NCL: variants seen among roughly 807,000 people sequenced by gnomAD.
The protein encoded by NCL is nucleolin multifunctional protein.
A neutral mutation model predicts 77.7 loss-of-function variants in NCL; 4 were observed. That is an observed-to-expected ratio of 0.05 (90% CI 0.03 to 0.12). The LOEUF is 0.12. NCL is among the 10% of genes least tolerant of loss of function. NCL has a pLI of 1.00. For synonymous variants in NCL, 344 were observed against 297.8 expected (o/e 1.16, Z -1.60); for missense variants, 763 against 860.9 (o/e 0.89, Z 1.42).
chr2:231,459,837 G>A (rs188021079), intron 6 of NCL, among the ~76,000 whole-genome samples: 1 of 151,924 alleles, frequency 6.6e-6, no homozygotes, highest in Admixed American at 6.5e-5. Context: ...AACCCGGGAG[G>A]CAGAGGTTGC....
chr2:231,457,423 T>A, intron 9 of NCL: 1 of 757,696 alleles, frequency 1.3e-6, no homozygotes, highest in South Asian at 1.5e-5. Flanking sequence ...GGAAGCTTGA[T>A]TTGCCTACTG....
chr2:231,455,885 T>C (rs747614452), intron 12 of NCL, 125 bp downstream of exon 12: 24 of 1,447,254 alleles, frequency 1.7e-5, no homozygotes, highest in Non-Finnish European at 2.2e-5. Flanking sequence ...CTTCTTCTCG[T>C]GCGAATCCAT....
At chr2:231,460,327 A>G in intron 5 of NCL, 34 bp from the exon 6 acceptor site, 1 of 1,614,078 alleles carries the variant, frequency 6.2e-7, no homozygotes, top group Non-Finnish European at 8.5e-7. Flanking sequence ...GTCTACTTGT[A>G]GTGTGGTAAA....
At chr2:231,460,407 G>A in intron 5 of NCL, 71 bp downstream of exon 5, 1 of 1,590,968 alleles carries the variant, frequency 6.3e-7, no homozygotes, top group Non-Finnish European at 8.6e-7. Context: ...TCAGGTTTCA[G>A]TATTAAGTCC....
chr2:231,455,398 T>C lies in NCL; in HGVS notation c.2056+3A>G, dbSNP rs1194727676. The C allele has an allele frequency of 1.2e-6, 2 of 1,613,876 alleles. No homozygotes were observed. Among genetic ancestry groups the C allele is most frequent in the Non-Finnish European group, 1.7e-6 (2 of 1,180,004 alleles). On this transcript the variant is annotated splice_donor_region_variant and intron_variant, in intron 13 of 13. Transcript: ENST00000322723. ...GTGGTGTCATTATCTCTGCGTGCCT[T>C]ACCTCCAAAGCCTCCCCGGCCTCTG...
Position 231,455,043 on chromosome 2 carries a change from A to G in NCL, c.*148T>C. 2 of 838,792 alleles carry G rather than the reference A, an allele frequency of 2.4e-6. No homozygotes were observed. The highest frequency in any genetic ancestry group is 3.3e-5 in the South Asian group (2 of 60,064). The allele number at this position is 838,792 out of a possible 1,614,324, so 52.0% of individuals were successfully genotyped here. On this transcript the variant is annotated 3_prime_UTR_variant, in exon 14 of 14. Coordinates refer to ENST00000322723, the MANE Select transcript of NCL (RefSeq NM_005381.3). ...CAAAACCAACACGGTATTGCCCTTGAAATGTTAACTAGACGGATTTCCAAG... is the reference window on the plus strand; with the variant it reads ...CAAAACCAACACGGTATTGCCCTTGGAATGTTAACTAGACGGATTTCCAAG...
Position 231,460,738 on chromosome 2 carries a change from C to G in NCL, c.742G>C (p.Asp248His). The change falls in exon 4 of 14, where the codon GAC becomes CAC. Residue 248 changes from aspartate to histidine, a missense_variant. This residue lies in a region of NCL where 590 missense variants were observed against 570.5 expected (regional missense o/e 1.03). Coordinates refer to ENST00000322723, the MANE Select transcript of NCL (RefSeq NM_005381.3). ...EEEDDEDEDD[D>H]DDEDDEDDDD... The stretch of plus-strand genomic sequence containing the variant: ...TCATCTTCATCATCTTCGTCGTCGT[C>G]GTCATCCTCGTCCTCATCATCCTCT... 5.6e-6 allele frequency: 9 copies of G among 1,612,746 alleles called. No homozygotes were observed. Among genetic ancestry groups the G allele is most frequent in the Non-Finnish European group, 7.6e-6 (9 of 1,178,754 alleles).
chr2:231,460,326 TAGTGTGGTAAAA>T (rs2046934684), intron 5 of NCL, 33 bp from the exon 6 acceptor site: 2 of 1,613,996 alleles, frequency 1.2e-6, no homozygotes, highest in Non-Finnish European at 1.7e-6. Context: ...AGTCTACTTG[TAGTGTGGTAAAA>T]AGTTAGTTTC....
intron 7 of NCL, 100 bp from the exon 8 acceptor site, chr2:231,458,489 A>T: frequency 7.1e-7 from 1 of 1,403,770 alleles, no homozygotes; most frequent in Non-Finnish European, 9.7e-7. Flanking sequence ...CTATTCAACA[A>T]ATAATTTGAG....
rs66781921 is a variant in NCL, at chr2:231,460,727, TTCG to T, written c.750_752del (p.Asp250del). ...CTTCATCATCATCATCTTCATCATC[TTCG>T]TCGTCGTCGTCATCCTCGTCCTCAT... On this transcript the variant is annotated inframe_deletion, in exon 4 of 14. Coordinates refer to ENST00000322723, the MANE Select transcript of NCL (RefSeq NM_005381.3). The T allele has an allele frequency of 3.0e-3, 4,812 of 1,611,576 alleles. 13 individuals are homozygous for T. Among genetic ancestry groups the T allele is most frequent in the South Asian group, 6.5e-3 (590 of 91,024 alleles).
rs1014389299 is a variant in NCL at position 231,459,116 on chromosome 2, A to G, written c.1050T>C (p.Gly350=). Residue 350 remains glycine (G), a synonymous_variant, in exon 7 of 14, where the codon GGT becomes GGC. Coordinates refer to ENST00000322723, the MANE Select transcript of NCL (RefSeq NM_005381.3). The part of the protein sequence containing the change: ...DVRIGMTRKF[G]YVDFESAEDL... ...CTTCAGCAGATTCAAAATCCACATA[A>G]CCAAATTTCCTTCAAGGTGGAGAGG... is the stretch of plus-strand genomic sequence containing the variant. 10 of 1,573,928 alleles carry G rather than the reference A, an allele frequency of 6.4e-6. No individual in the cohort carries two copies. The highest frequency in any genetic ancestry group is 2.3e-5 in the East Asian group (1 of 43,510).
At position 231,455,260 on chromosome 2, in the gene NCL, T is replaced by G. The variant is rs769834198; in HGVS notation, c.2064A>C (p.Gly688=). Residue 688 remains glycine (G), a synonymous_variant, in exon 14 of 14, where the codon GGA becomes GGC. Coordinates refer to ENST00000322723, the MANE Select transcript of NCL (RefSeq NM_005381.3). ...CTCCTCCTCTGCCTCCTCGGAAGCC[T>G]CCTCGCCCTACAGGAGGAAGGCAAG... ...GRGRGGFGGR[G]GFRGGRGGGG... The G allele has an allele frequency of 3.7e-5, 59 of 1,613,970 alleles. No individual in the cohort carries two copies. In the African/African-American group the frequency reaches 4.7e-4, roughly 13 times the overall value.
chr2:231,456,828 A>C, intron 10 of NCL, 64 bp from the exon 11 acceptor site: 5 of 1,599,622 alleles, frequency 3.1e-6, no homozygotes, highest in South Asian at 2.2e-5. Flanking sequence ...CTGTCACATG[A>C]TGCTGCCAAG....
At chr2:231,455,373 G>C in intron 13 of NCL, 28 bp downstream of exon 13, 2 of 1,613,576 alleles carry the variant, frequency 1.2e-6, no homozygotes, top group Non-Finnish European at 1.7e-6. Flanking sequence ...CACATGCTAT[G>C]TGGTGTCATT....
In NCL at chr2:231,460,651, A is replaced by C; in HGVS notation, c.811+18T>G. 6.2e-7 allele frequency: 1 copy of C among 1,614,126 alleles called. No individual in the cohort carries two copies. The highest frequency in any genetic ancestry group is 8.5e-7 in the Non-Finnish European group (1 of 1,180,024). On this transcript the variant is annotated intron_variant, in intron 4 of 13. Coordinates refer to ENST00000322723, the MANE Select transcript of NCL (RefSeq NM_005381.3). Reference sequence around the variant, plus strand: ...TTAAACATAACTCATGTCGTATGTCAGAATCTAATTTAAGTACCTTCCTCC... The same window carrying C: ...TTAAACATAACTCATGTCGTATGTCCGAATCTAATTTAAGTACCTTCCTCC...
Position 231,463,197 on chromosome 2 carries a change from T to C in NCL, c.135+3A>G. 6.4e-7 allele frequency: 1 copy of C among 1,567,818 alleles called. No homozygotes were observed. The highest frequency in any genetic ancestry group is 8.7e-7 in the Non-Finnish European group (1 of 1,150,386). ...AATTCTGCATTAAGTTGGATAAAAT[T>C]ACCTCTTCTCCACTGCTATCATCTT... On this transcript the variant is annotated splice_donor_region_variant and intron_variant, in intron 2 of 13. Transcript: ENST00000322723.
rs1289117230 is a variant in NCL at position 231,460,139 on chromosome 2, G to A, written c.1040+13C>T. The A allele has an allele frequency of 1.2e-6, 2 of 1,609,090 alleles. No individual in the cohort carries two copies. The highest frequency in any genetic ancestry group is 8.5e-7 in the Non-Finnish European group (1 of 1,178,482). On this transcript the variant is annotated intron_variant, in intron 6 of 13. Coordinates refer to ENST00000322723, the MANE Select transcript of NCL (RefSeq NM_005381.3). ...CAGACCCACGTGTATGTAACGTGCA[G>A]TGAAGCACTTACCTAGTCATACCAA... is the stretch of plus-strand genomic sequence containing the variant.
chr2:231,455,910 AGACAGAAAG>A, intron 12 of NCL, 91 bp downstream of exon 12: 1 of 1,570,748 alleles, frequency 6.4e-7, no homozygotes, highest in Non-Finnish European at 8.8e-7. Context: ...TGCCACTGAT[AGACAGAAAG>A]GAGCTCAATG....
intron 6 of NCL, 101 bp from the exon 7 acceptor site, chr2:231,459,226 C>T: frequency 7.6e-7 from 1 of 1,317,028 alleles, no homozygotes; most frequent in East Asian, 2.7e-5. Flanking sequence ...ACAAAGATCA[C>T]ATTTTAAAAA....
Sources: allele counts gnomAD v4.1 joint callset (sites outside exome capture counted in the v4.1 genomes callset), GRCh38; gene constraint gnomAD v4.1.1; regional missense constraint gnomAD v4.1.1; transcripts MANE v1.5; gene names NCBI Gene and HGNC (gene_info 2026-07-23, HGNC 2026-07-21).